FXR1: variants seen among roughly 807,000 people sequenced by gnomAD.
FXR1 encodes RNA-binding protein FXR1.
FXR1 carries 15 observed loss-of-function variants against 84.0 expected under a neutral mutation model. That is an observed-to-expected ratio of 0.18 (90% CI 0.12 to 0.27). FXR1 has a LOEUF of 0.27. Among genes scored for constraint, FXR1 ranks in the 10% least tolerant of loss-of-function variants. The probability of loss-of-function intolerance (pLI) is 1.00; values close to 1 mark genes in which losing one functional copy is unlikely to be tolerated. For missense variants in FXR1, 480 were observed against 774.4 expected (o/e 0.62, Z 4.51); for synonymous variants, 245 against 250.7 (o/e 0.98, Z 0.21).
intron 1 of FXR1, among the ~76,000 whole-genome samples, chr3:180,920,021 C>T (rs79237433): frequency 9.1e-4 from 138 of 152,298 alleles, no homozygotes; most frequent in East Asian, 7.1e-3. Context: ...CATTCTCTAT[C>T]TTCAGCGTTT....
intron 3 of FXR1, among the ~76,000 whole-genome samples, chr3:180,938,971 C>T (rs996439211): frequency 1.3e-5 from 2 of 152,030 alleles, no homozygotes; most frequent in Non-Finnish European, 2.9e-5. Context: ...TCTCAGTTCA[C>T]TGCAACCTCC....
intron 15 of FXR1, chr3:180,971,779 A>G (rs552119030): frequency 1.3e-5 from 2 of 152,632 alleles, no homozygotes; most frequent in Non-Finnish European, 2.9e-5. Flanking sequence ...AGTAACTTCA[A>G]AGAAACTTGT....
chr3:180,961,704 G>C lies in FXR1; in HGVS notation c.1077+150G>C, dbSNP rs188923780. ...TCTTTAAATATTTTTTGTTAATTCA[G>C]CTTCAGATTTGCCATTGTTCTACAT... On this transcript the variant is annotated intron_variant, in intron 11 of 16. Coordinates refer to ENST00000357559, the MANE Select transcript of FXR1 (RefSeq NM_005087.4). 246 of 486,350 alleles carry C rather than the reference G, an allele frequency of 5.1e-4. 1 individual carries two copies. In the East Asian group the frequency reaches 7.2e-3, roughly 14 times the overall value. The allele number at this position is 486,350 out of a possible 1,614,324, so 30.1% of individuals were successfully genotyped here.
chr3:180,942,221 A>T lies in FXR1; in HGVS notation c.199-5644A>T, dbSNP rs190362839. Among the ~76,000 whole-genome samples the T allele has an allele frequency of 6.5e-4, 99 of 151,994 alleles. 1 individual carries two copies. In the East Asian group the frequency reaches 0.016, roughly 24 times the overall value. On this transcript the variant is annotated intron_variant, in intron 3 of 16. Transcript: ENST00000357559. ...GTGAAACCCCATCTCTACTAAAAAT[A>T]CAAAAAATTAGCCAGGTGTGGTAGC...
At position 180,977,799 on chromosome 3, in the gene FXR1, T is replaced by G. The variant is rs1714375666; in HGVS notation, c.*1507T>G. ...TATGTGCATAAAAATGTGATTTTAA[T>G]TTATATGCTCTGAAGGATAATTCAG... On this transcript the variant is annotated 3_prime_UTR_variant, in exon 17 of 17. Transcript: ENST00000357559. 6.6e-6 allele frequency: 1 copy of G among 152,096 alleles called. No homozygotes were observed. The highest frequency in any genetic ancestry group is 2.4e-5 in the African/African-American group (1 of 41,436). The allele number at this position is 152,096 out of a possible 1,614,324, so 9.4% of individuals were successfully genotyped here. A position where few individuals can be genotyped will look rare whatever the true frequency, so the allele number is the denominator to read the frequency against.
intron 1 of FXR1, among the ~76,000 whole-genome samples, chr3:180,913,537 C>G (rs1195357713): frequency 6.6e-6 from 1 of 151,950 alleles, no homozygotes; most frequent in South Asian, 2.1e-4. Flanking sequence ...TTTTCTCCCA[C>G]GAGGTTTTTT....
chr3:180,970,281 G>A lies in FXR1; in HGVS notation c.1526G>A (p.Arg509Gln), dbSNP rs1306954007. Residue 509 changes from arginine to glutamine, a missense_variant, in exon 15 of 17, where the codon CGA (arginine) becomes CAA (glutamine). Arg to Gln is a conservative substitution (Grantham distance 43, BLOSUM62 1). Transcript: ENST00000357559. ...STNRRRRSRR[R>Q]RTDEDAVLMD... ...AACCGTCGTAGGCGGTCTCGTAGACGAAGGACTGATGAAGATGCTGTTCTG... is the reference window on the plus strand; with the variant it reads ...AACCGTCGTAGGCGGTCTCGTAGACAAAGGACTGATGAAGATGCTGTTCTG... The A allele has an allele frequency of 1.9e-6, 3 of 1,605,470 alleles. No individual in the cohort carries two copies. Among genetic ancestry groups the A allele is most frequent in the Non-Finnish European group, 2.6e-6 (3 of 1,173,068 alleles).
chr3:180,967,338 C>A (rs1219104842), intron 13 of FXR1, among the ~76,000 whole-genome samples: 1 of 152,048 alleles, frequency 6.6e-6, no homozygotes, highest in Non-Finnish European at 1.5e-5. Flanking sequence ...TAAGAAATAT[C>A]TTGATTTCAG....
At chr3:180,925,017 A>G (rs1230067533) in intron 1 of FXR1, among the ~76,000 whole-genome samples, 1 of 152,200 alleles carries the variant, frequency 6.6e-6, no homozygotes, top group African/African-American at 2.4e-5. Flanking sequence ...GTTTCTTCTC[A>G]AAATATCTTC....
At chr3:180,952,233 T>C (rs1236001179) in intron 8 of FXR1, among the ~76,000 whole-genome samples, 1 of 152,164 alleles carries the variant, frequency 6.6e-6, no homozygotes, top group African/African-American at 2.4e-5. Context: ...GCCGGGACTA[T>C]AGGCGTGAGC....
intron 13 of FXR1, among the ~76,000 whole-genome samples, chr3:180,964,109 T>C (rs932498704): frequency 1.3e-5 from 2 of 152,200 alleles, no homozygotes; most frequent in Admixed American, 6.5e-5. Flanking sequence ...TTTAATATCA[T>C]ATCTTTATGT....
intron 3 of FXR1, among the ~76,000 whole-genome samples, chr3:180,943,010 A>G (rs1313321806): frequency 6.6e-6 from 1 of 152,120 alleles, no homozygotes; most frequent in Non-Finnish European, 1.5e-5. Context: ...CTTGTCGACC[A>G]GGCTGGAGTG....
intron 1 of FXR1, among the ~76,000 whole-genome samples, chr3:180,919,064 G>A (rs1208042641): frequency 2.0e-5 from 3 of 152,088 alleles, no homozygotes; most frequent in Admixed American, 6.6e-5. Context: ...ACTAATATGA[G>A]GAGAATTATG....
chr3:180,950,000 G>GT (rs1234240560), intron 7 of FXR1, among the ~76,000 whole-genome samples: 15 of 152,142 alleles, frequency 9.9e-5, no homozygotes, highest in African/African-American at 3.4e-4. Flanking sequence ...CTAGTTCACT[G>GT]TAACAACTCT....
chr3:180,967,783 T>C (rs1400210947), intron 13 of FXR1, among the ~76,000 whole-genome samples: 3 of 152,092 alleles, frequency 2.0e-5, no homozygotes, highest in African/African-American at 7.3e-5. Context: ...GGGATTCTTC[T>C]GCTGGTTTTG....
chr3:180,975,730 G>A (rs1181381138), intron 16 of FXR1, among the ~76,000 whole-genome samples: 1 of 152,040 alleles, frequency 6.6e-6, no homozygotes, highest in East Asian at 1.9e-4. Flanking sequence ...TTAAATTTTA[G>A]TTCTTTTAAA....
At chr3:180,918,733 T>G (rs1362672422) in intron 1 of FXR1, among the ~76,000 whole-genome samples, 1 of 152,222 alleles carries the variant, frequency 6.6e-6, no homozygotes, top group Non-Finnish European at 1.5e-5. Context: ...AGTTGTGAAA[T>G]CTTTGCTAGT....
chr3:180,970,862 C>G (rs1367277943), intron 15 of FXR1, among the ~76,000 whole-genome samples: 1 of 151,988 alleles, frequency 6.6e-6, no homozygotes, highest in Non-Finnish European at 1.5e-5. Context: ...GAGTTAAAAC[C>G]CTCTGAATTT....
intron 1 of FXR1, 160 bp from the exon 2 acceptor site, chr3:180,933,174 G>A (rs536127): frequency 0.47 from 264,687 of 566,434 alleles, 66,524 homozygotes; most frequent in African/African-American, 0.83. Context: ...AAAAGATCAT[G>A]TGTCTCATAA....
Sources: gnomAD v4.1 joint callset for allele counts (sites outside exome capture counted in the v4.1 genomes callset) on GRCh38, gnomAD v4.1.1 for gene constraint, MANE v1.5 for transcripts, NCBI Gene and HGNC (gene_info 2026-07-23, HGNC 2026-07-21) for gene names.